GTF2F2: variants seen among roughly 807,000 people sequenced by gnomAD.
GTF2F2 encodes the protein general transcription factor IIF subunit 2, also known as ATP-dependent helicase GTF2F2.
GTF2F2 carries 23 observed loss-of-function variants against 42.2 expected under a neutral mutation model. The ratio of observed to expected loss-of-function variants is 0.55; its 90% confidence interval spans 0.39 to 0.77. GTF2F2 has a LOEUF of 0.77. Ranked by LOEUF, GTF2F2 falls within the 30% of genes least tolerant of loss-of-function variation. The pLI is 0.00. For missense variants in GTF2F2, 261 were observed against 287.2 expected, an observed-to-expected ratio of 0.91 and a Z score of 0.66; for synonymous variants, 105 against 100.8, an observed-to-expected ratio of 1.04 and a Z score of -0.25.
chr13:45,258,241 A>G (rs1876182538), intron 6 of GTF2F2, among the ~76,000 whole-genome samples: 1 of 152,068 alleles, frequency 6.6e-6, no homozygotes, highest in Non-Finnish European at 1.5e-5. Context: ...AGATATTCCA[A>G]GCAGAAAAGA....
chr13:45,142,607 A>G (rs954488708), intron 2 of GTF2F2, among the ~76,000 whole-genome samples: 1 of 152,208 alleles, frequency 6.6e-6, no homozygotes, highest in Non-Finnish European at 1.5e-5. Flanking sequence ...GTAACACATA[A>G]TCAGTCTTGT....
chr13:45,194,247 A>C, intron 4 of GTF2F2: 1 of 1,614,094 alleles, frequency 6.2e-7, no homozygotes, highest in Non-Finnish European at 8.5e-7. Flanking sequence ...CAAGAAGTTG[A>C]TTTTCTCGAA....
At chr13:45,269,465 T>C (rs1222616933) in intron 7 of GTF2F2, among the ~76,000 whole-genome samples, 1 of 152,142 alleles carries the variant, frequency 6.6e-6, no homozygotes, top group Non-Finnish European at 1.5e-5. Context: ...TTCCAGTCCA[T>C]TGACTGGGAA....
At chr13:45,199,810 C>T (rs927303620) in intron 4 of GTF2F2, among the ~76,000 whole-genome samples, 1 of 152,114 alleles carries the variant, frequency 6.6e-6, no homozygotes, top group Non-Finnish European at 1.5e-5. Context: ...TCTCTGTTAC[C>T]GTATACTAGC....
chr13:45,238,329 C>A (rs1013149547), intron 5 of GTF2F2, among the ~76,000 whole-genome samples: 2 of 152,142 alleles, frequency 1.3e-5, no homozygotes, highest in Non-Finnish European at 2.9e-5. Context: ...GATTTTATTT[C>A]TATCATGGAA....
chr13:45,149,778 G>A lies in GTF2F2; in HGVS notation c.149G>A (p.Gly50Glu). ...CTTTTCCTCTCCTTTAGGACTCAAG[G>A]AAGGACTGAGGTAAGATTATTTATA... is the stretch of plus-strand genomic sequence containing the variant. The part of the protein sequence containing the change: ...VGKLRIAKTQ[G>E]RTEVSFTLNE... Residue 50 changes from glycine to glutamate, a missense_variant, in exon 3 of 8, where the codon GGA becomes GAA. Physicochemically the swap from Gly to Glu is moderately conservative, Grantham distance 98. Coordinates refer to ENST00000340473, the MANE Select transcript of GTF2F2 (RefSeq NM_004128.3). 6.6e-7 allele frequency: 1 copy of A among 1,505,748 alleles called. No individual in the cohort carries two copies. Among genetic ancestry groups the A allele is most frequent in the Non-Finnish European group, 8.9e-7 (1 of 1,119,832 alleles). 93.3% of individuals were successfully genotyped at this position (1,505,748 alleles called of 1,614,324 possible).
At chr13:45,166,528 A>G (rs1730593341) in intron 4 of GTF2F2, among the ~76,000 whole-genome samples, 1 of 152,240 alleles carries the variant, frequency 6.6e-6, no homozygotes, top group Non-Finnish European at 1.5e-5. Flanking sequence ...TGTTAGGGAA[A>G]GTACGAAAGC....
chr13:45,268,107 A>G (rs954166658), intron 7 of GTF2F2, among the ~76,000 whole-genome samples: 1 of 152,244 alleles, frequency 6.6e-6, no homozygotes, highest in African/African-American at 2.4e-5. Flanking sequence ...ATTGTTTTCC[A>G]TTTAACTTTC....
intron 4 of GTF2F2, among the ~76,000 whole-genome samples, chr13:45,181,200 A>ACC (rs1555267024): frequency 7.5e-6 from 1 of 132,832 alleles, no homozygotes; most frequent in Non-Finnish European, 1.6e-5. Context: ...AAAAAAAAAA[A>ACC]AAACCAGAAA....
At chr13:45,252,428 C>G (rs560070087) in intron 5 of GTF2F2, among the ~76,000 whole-genome samples, 1 of 152,156 alleles carries the variant, frequency 6.6e-6, no homozygotes, top group Non-Finnish European at 1.5e-5. Context: ...CTGTGCTGTT[C>G]AGTAAACCTT....
intron 2 of GTF2F2, among the ~76,000 whole-genome samples, chr13:45,144,457 C>CTTTT (rs11326737): frequency 5.8e-4 from 43 of 74,014 alleles, no homozygotes; most frequent in African/African-American, 2.0e-3. Context: ...TTTTTTTGGT[C>CTTTT]TTTTTTTTTT....
chr13:45,247,656 T>C (rs563020739), intron 5 of GTF2F2, among the ~76,000 whole-genome samples: 9 of 152,238 alleles, frequency 5.9e-5, no homozygotes, highest in African/African-American at 1.7e-4. Context: ...CCCAAAGTGC[T>C]AGGGTTACAG....
At chr13:45,170,335 G>A (rs915042187) in intron 4 of GTF2F2, among the ~76,000 whole-genome samples, 2 of 152,182 alleles carry the variant, frequency 1.3e-5, no homozygotes, top group East Asian at 1.9e-4. Flanking sequence ...TTTGTAACAC[G>A]CATAGTCTGG....
At chr13:45,219,648 G>GTGAAGTTTACTTTTC (rs1244288984) in intron 5 of GTF2F2, 1 of 152,172 alleles carries the variant, frequency 6.6e-6, no homozygotes, top group African/African-American at 2.4e-5. Flanking sequence ...TTACGAGTCT[G>GTGAAGTTTACTTTTC]TGAAGTTTAC....
At chr13:45,179,084 T>A (rs1872023205) in intron 4 of GTF2F2, among the ~76,000 whole-genome samples, 1 of 152,232 alleles carries the variant, frequency 6.6e-6, no homozygotes, top group Non-Finnish European at 1.5e-5. Flanking sequence ...TCTTAAGGAC[T>A]GGGCTTGGAA....
At chr13:45,274,928 A>G (rs1351874141) in intron 7 of GTF2F2, among the ~76,000 whole-genome samples, 1 of 152,034 alleles carries the variant, frequency 6.6e-6, no homozygotes, top group African/African-American at 2.4e-5. Context: ...AAAAAAGTGT[A>G]GTTCAGTGGA....
At chr13:45,131,955 T>G (rs569353423) in intron 1 of GTF2F2, among the ~76,000 whole-genome samples, 13 of 144,374 alleles carry the variant, frequency 9.0e-5, no homozygotes, top group African/African-American at 3.3e-4. Context: ...AATCAGACAC[T>G]GGGTGGGAAG....
chr13:45,247,502 C>T (rs1033723374), intron 5 of GTF2F2, among the ~76,000 whole-genome samples: 2 of 151,850 alleles, frequency 1.3e-5, no homozygotes, highest in Non-Finnish European at 2.9e-5. Flanking sequence ...AAGCAATTCT[C>T]CTGCCTCAGC....
intron 7 of GTF2F2, among the ~76,000 whole-genome samples, chr13:45,274,756 A>AACATG (rs1049073232): frequency 3.0e-4 from 45 of 152,158 alleles, no homozygotes; most frequent in Non-Finnish European, 6.3e-4. Context: ...AGCCCTGGGC[A>AACATG]ACATGGCAAA....
Sources: allele counts gnomAD v4.1 joint callset (sites outside exome capture counted in the v4.1 genomes callset), GRCh38; gene constraint gnomAD v4.1.1; transcripts MANE v1.5; gene names NCBI Gene and HGNC (gene_info 2026-07-23, HGNC 2026-07-21).